WDR20: variants seen among roughly 807,000 people sequenced by gnomAD.
WDR20 encodes WD repeat domain 20.
Under a neutral mutation model 38.7 loss-of-function variants are expected in WDR20, and 3 were observed. The observed-to-expected ratio is 0.08, with a 90% CI of 0.04 to 0.20. The LOEUF is 0.20. Ranked by LOEUF, WDR20 falls within the 10% of genes least tolerant of loss-of-function variation. The probability of loss-of-function intolerance (pLI) is 1.00; values close to 1 mark genes in which losing one functional copy is unlikely to be tolerated. For synonymous variants in WDR20, 298 were observed against 285.6 expected (o/e 1.04, Z -0.44); for missense variants, 559 against 727.7 (o/e 0.77, Z 2.67).
At chr14:102,224,186 C>T (rs553972663), downstream of WDR20, among the ~76,000 whole-genome samples, 78 of 151,938 alleles carry the variant, frequency 5.1e-4, no homozygotes, top group South Asian at 7.7e-3. Flanking sequence ...GGACTACAGG[C>T]GCCCGCCACC....
chr14:102,195,985 G>A (rs1403320067), intron 2 of WDR20: 2 of 152,166 alleles, frequency 1.3e-5, no homozygotes, highest in African/African-American at 4.8e-5. Flanking sequence ...CAGGCTATGT[G>A]GGACCCCCTC....
intron 2 of WDR20, among the ~76,000 whole-genome samples, chr14:102,200,349 C>T (rs1360958095): frequency 6.6e-6 from 1 of 152,164 alleles, no homozygotes; most frequent in Non-Finnish European, 1.5e-5. Context: ...GCTCCCAGAT[C>T]GTGGAGCGTG....
chr14:102,162,913 T>A, intron 1 of WDR20, among the ~76,000 whole-genome samples: 1 of 152,122 alleles, frequency 6.6e-6, no homozygotes, highest in East Asian at 1.9e-4. Flanking sequence ...TGCCAGGCCC[T>A]TAGATAATCT....
At chr14:102,160,614 A>G (rs1327257249) in intron 1 of WDR20, among the ~76,000 whole-genome samples, 1 of 152,050 alleles carries the variant, frequency 6.6e-6, no homozygotes, top group African/African-American at 2.4e-5. Flanking sequence ...TTATTTGACG[A>G]CATCACTCTT....
chr14:102,186,984 CG>C (rs2064970770), intron 1 of WDR20, among the ~76,000 whole-genome samples: 2 of 151,628 alleles, frequency 1.3e-5, no homozygotes, highest in Non-Finnish European at 2.9e-5. Flanking sequence ...AGAAAACCTG[CG>C]GAACAGTCTT....
At chr14:102,163,874 G>A (rs2059250472) in intron 1 of WDR20, among the ~76,000 whole-genome samples, 1 of 152,108 alleles carries the variant, frequency 6.6e-6, no homozygotes, top group Admixed American at 6.6e-5. Flanking sequence ...CTTTGCTGCT[G>A]TCTCTACTTC....
intron 1 of WDR20, among the ~76,000 whole-genome samples, chr14:102,154,318 G>A (rs918161991): frequency 6.6e-6 from 1 of 152,158 alleles, no homozygotes; most frequent in Non-Finnish European, 1.5e-5. Context: ...AGGTGTTGGC[G>A]GATTCATTAT....
At chr14:102,174,989 T>C (rs2061746226) in intron 1 of WDR20, among the ~76,000 whole-genome samples, 1 of 152,202 alleles carries the variant, frequency 6.6e-6, no homozygotes. Flanking sequence ...TTTGTGAAGA[T>C]TTTCTCTGCA....
At chr14:102,186,770 T>C (rs997182430) in intron 1 of WDR20, among the ~76,000 whole-genome samples, 20 of 151,698 alleles carry the variant, frequency 1.3e-4, no homozygotes, top group African/African-American at 4.8e-4. Context: ...GCTAACATGG[T>C]GAAATCCCGT....
At chr14:102,214,295 G>A (rs1417291420), downstream of WDR20, 9 of 985,332 alleles carry the variant, frequency 9.1e-6, no homozygotes, top group Admixed American at 1.2e-4. Context: ...TGGGACTGTC[G>A]GGTGTTGCTT....
upstream of WDR20, chr14:102,139,727 C>A (rs1364829592): frequency 5.4e-5 from 44 of 819,380 alleles, no homozygotes; most frequent in East Asian, 1.1e-3. Context: ...TGGAGCACGC[C>A]AGGTGAGCAC....
At chr14:102,200,465 TTTTGTG>T (rs1339382396) in intron 2 of WDR20, among the ~76,000 whole-genome samples, 69 of 98,686 alleles carry the variant, frequency 7.0e-4, no homozygotes, top group African/African-American at 1.2e-3. Context: ...AAATTTTTTT[TTTTGTG>T]TGTGTGTGTG....
At chr14:102,200,084 C>T (rs2060043791) in intron 2 of WDR20, among the ~76,000 whole-genome samples, 2 of 152,212 alleles carry the variant, frequency 1.3e-5, no homozygotes, top group South Asian at 2.1e-4. Context: ...GCCCTCTTCC[C>T]GCTCCCTGGG....
At chr14:102,183,152 ACAAG>A (rs1324922196) in intron 1 of WDR20, among the ~76,000 whole-genome samples, 1 of 152,236 alleles carries the variant, frequency 6.6e-6, no homozygotes, top group Non-Finnish European at 1.5e-5. Flanking sequence ...GACTAACAGC[ACAAG>A]TGCCAAGTGA....
At chr14:102,187,302 C>T (rs1596488864) in intron 1 of WDR20, among the ~76,000 whole-genome samples, 1 of 152,208 alleles carries the variant, frequency 6.6e-6, no homozygotes, top group East Asian at 1.9e-4. Flanking sequence ...TTAAAAGGAG[C>T]TGGACTTTCA....
chr14:102,144,026 A>AC lies in WDR20; in HGVS notation c.249+3854_249+3855insC, dbSNP rs79779753. The stretch of plus-strand genomic sequence containing the variant: ...ACCCTGTGTCCACAAAAAAATAATA[A>AC]AAAAAAAATTAGCTGGCCATGGTGG... On this transcript the variant is annotated intron_variant, in intron 1 of 2. Transcript: ENST00000342702. Among the ~76,000 whole-genome samples, 692 of 142,166 alleles carry AC rather than the reference A, an allele frequency of 4.9e-3. 6 individuals carry two copies. Among genetic ancestry groups the AC allele is most frequent in the African/African-American group, 0.017 (639 of 38,632 alleles). 93.3% of individuals were successfully genotyped at this position (142,166 alleles called of 152,430 possible).
chr14:102,193,108 T>G (rs1438054706), intron 1 of WDR20, among the ~76,000 whole-genome samples: 4 of 151,972 alleles, frequency 2.6e-5, no homozygotes, highest in Non-Finnish European at 5.9e-5. Flanking sequence ...AGTTATATCT[T>G]ATTTTATATT....
chr14:102,164,354 C>G (rs1171377446), intron 1 of WDR20, among the ~76,000 whole-genome samples: 1 of 42,056 alleles, frequency 2.4e-5, no homozygotes, highest in Non-Finnish European at 5.0e-5. Context: ...TCACATGACC[C>G]AGGAAGTACC....
Position 102,195,010 on chromosome 14 carries a change from C to G in WDR20, c.322C>G (p.His108Asp). 10 of 1,614,178 alleles carry G rather than the reference C, an allele frequency of 6.2e-6. No individual in the cohort carries two copies. Among genetic ancestry groups the G allele is most frequent in the Non-Finnish European group, 8.5e-6 (10 of 1,180,028 alleles). Residue 108 changes from histidine to aspartate, a missense_variant, in exon 2 of 3, where the codon CAC (histidine) becomes GAC (aspartate). Coordinates refer to ENST00000342702, the MANE Select transcript of WDR20 (RefSeq NM_144574.4). Reference protein sequence around the residue: ...GTQPTCHDFNHLTATAESVSL... With the variant: ...GTQPTCHDFNDLTATAESVSL... Reference sequence around the variant, plus strand: ...ACAGCCTACTTGTCATGACTTCAACCACCTAACAGCCACAGCAGAAAGTGT... The same window carrying G: ...ACAGCCTACTTGTCATGACTTCAACGACCTAACAGCCACAGCAGAAAGTGT...
Sources: gnomAD v4.1 joint callset for allele counts (sites outside exome capture counted in the v4.1 genomes callset) on GRCh38, gnomAD v4.1.1 for gene constraint, MANE v1.5 for transcripts, NCBI Gene and HGNC (gene_info 2026-07-23, HGNC 2026-07-21) for gene names.